Variants in WDR64 observed in about 807,000 individuals in gnomAD.
The protein encoded by WDR64 is WD repeat domain 64.
WDR64 carries 112 observed loss-of-function variants against 139.3 expected under a neutral mutation model. The observed-to-expected ratio is 0.80, with a 90% confidence interval of 0.69 to 0.94. WDR64 has a LOEUF of 0.94. WDR64 is among the 40% of genes least tolerant of loss of function. WDR64 has a pLI of 0.00. For missense variants in WDR64, 1,206 were observed against 1,293.1 expected, an observed-to-expected ratio of 0.93 and a Z score of 1.03; for synonymous variants, 444 against 437.7, an observed-to-expected ratio of 1.01 and a Z score of -0.18.
intron 9 of WDR64, among the ~76,000 whole-genome samples, chr1:241,719,013 G>A (rs1170645053): frequency 6.6e-6 from 1 of 152,122 alleles, no homozygotes; most frequent in Non-Finnish European, 1.5e-5. Context: ...AAATTTGGGA[G>A]GGAATGAATT....
Position 241,772,835 on chromosome 1 carries a change from CA to C in WDR64, c.2340del (p.Lys780AsnfsTer35), listed in dbSNP as rs746071996. 1.3e-5 allele frequency: 20 copies of C among 1,551,974 alleles called. 1 individual carries two copies. The South Asian group carries it at 2.3e-4, about 18-fold the overall frequency. On this transcript the variant is annotated frameshift_variant, in exon 20 of 28. Transcript: ENST00000437684. LOFTEE classifies it high-confidence loss of function. ...VMVGKQQPMD[K>X]KHPGIANLPE... ...TGGTGGGAAAGCAACAGCCAATGGA[CA>C]AAAAACACCCTGGAATTGCCAATTT...
At chr1:241,674,044 C>T (rs958718889) in intron 3 of WDR64, among the ~76,000 whole-genome samples, 3 of 151,848 alleles carry the variant, frequency 2.0e-5, no homozygotes, top group Non-Finnish European at 2.9e-5. Flanking sequence ...TGCACATGCA[C>T]GTGTGTGTGT....
intron 14 of WDR64, among the ~76,000 whole-genome samples, chr1:241,755,318 C>G (rs532666787): frequency 6.6e-6 from 1 of 152,200 alleles, no homozygotes; most frequent in Non-Finnish European, 1.5e-5. Context: ...CTCTAACGAC[C>G]AGTGATGATG....
Position 241,770,679 on chromosome 1 carries a change from C to T in WDR64, c.2242C>T (p.Gln748Ter). Residue 748 changes from glutamine to a stop codon, truncating the protein, a stop_gained, in exon 18 of 28, where the codon CAG becomes TAG. Coordinates refer to ENST00000437684, the MANE Select transcript of WDR64 (RefSeq NM_001367482.1). LOFTEE classifies it high-confidence loss of function. Reference protein sequence around the residue: ...SSQCESSKGPQSSKGSKQSIH... With the variant: ...SSQCESSKGP ...CCAGTGTGAATCCAGCAAAGGTCCACAGAGCAGTAAGGTAAGCAAGACACA... is the reference window on the plus strand; with the variant it reads ...CCAGTGTGAATCCAGCAAAGGTCCATAGAGCAGTAAGGTAAGCAAGACACA... 6.4e-7 allele frequency: 1 copy of T among 1,551,580 alleles called. No individual in the cohort carries two copies. Among genetic ancestry groups the T allele is most frequent in the Non-Finnish European group, 8.7e-7 (1 of 1,146,922 alleles).
At chr1:241,760,493 A>G (rs1478397821) in intron 15 of WDR64, among the ~76,000 whole-genome samples, 1 of 151,218 alleles carries the variant, frequency 6.6e-6, no homozygotes, top group Non-Finnish European at 1.5e-5. Context: ...AAGAAGCTGG[A>G]AAAAATATGT....
chr1:241,724,899 G>A (rs1012225208), intron 10 of WDR64, among the ~76,000 whole-genome samples: 9 of 151,936 alleles, frequency 5.9e-5, no homozygotes, highest in Non-Finnish European at 1.2e-4. Flanking sequence ...TTTTACACAC[G>A]TCAGGGAAAA....
chr1:241,769,269 C>A, intron 16 of WDR64, 135 bp from the exon 17 acceptor site: 1 of 686,116 alleles, frequency 1.5e-6, no homozygotes. Flanking sequence ...ACTCTACTTC[C>A]TTGCATTTTC....
intron 2 of WDR64, among the ~76,000 whole-genome samples, chr1:241,668,029 T>C (rs945347032): frequency 2.0e-5 from 3 of 152,124 alleles, no homozygotes; most frequent in African/African-American, 4.8e-5. Flanking sequence ...GTGCAGCACT[T>C]GGAGAAGGAA....
Position 241,794,502 on chromosome 1 carries a change from C to CTTTTTTTTTTTTTTTTTTT in WDR64, c.2998-704_2998-703insTTTTTTTTTTTTTTTTTTT, listed in dbSNP as rs1659299229. 1.9e-5 allele frequency among the ~76,000 whole-genome samples: 2 copies of CTTTTTTTTTTTTTTTTTTT among 105,024 alleles called. 1 individual carries two copies. The allele number at this position is 105,024 out of a possible 152,430, so 68.9% of individuals were successfully genotyped here. On this transcript the variant is annotated intron_variant, in intron 25 of 27. Transcript: ENST00000437684. ...AATGCCCCACATATTTTAAGCTTTA[C>CTTTTTTTTTTTTTTTTTTT]TGTTTTTTTTTTTTTTTTTTTTTTG...
intron 13 of WDR64, among the ~76,000 whole-genome samples, chr1:241,747,572 G>A (rs1019502995): frequency 6.6e-6 from 1 of 152,152 alleles, no homozygotes; most frequent in African/African-American, 2.4e-5. Flanking sequence ...CAAATGTCGT[G>A]TATCAGATTA....
chr1:241,690,194 T>C (rs1667160904), intron 8 of WDR64, among the ~76,000 whole-genome samples: 1 of 152,018 alleles, frequency 6.6e-6, no homozygotes, highest in Non-Finnish European at 1.5e-5. Context: ...AAAAACTGGC[T>C]GGGCGCAGTG....
intron 3 of WDR64, among the ~76,000 whole-genome samples, chr1:241,671,757 C>T (rs1171858033): frequency 6.6e-6 from 1 of 152,190 alleles, no homozygotes; most frequent in African/African-American, 2.4e-5. Flanking sequence ...GGTTTCTTCT[C>T]CTTCTTCCCT....
intron 6 of WDR64, among the ~76,000 whole-genome samples, chr1:241,681,562 C>T (rs926368470): frequency 5.9e-5 from 9 of 152,196 alleles, no homozygotes; most frequent in South Asian, 2.1e-4. Flanking sequence ...TTTGCAATTG[C>T]GAATTGTGCT....
Position 241,713,954 on chromosome 1 carries a change from A to G in WDR64, c.1054+2073A>G, listed in dbSNP as rs575182074. 2.6e-5 allele frequency among the ~76,000 whole-genome samples: 4 copies of G among 152,362 alleles called. No homozygotes were observed. In the East Asian group the frequency reaches 7.7e-4, roughly 29 times the overall value. The stretch of plus-strand genomic sequence containing the variant: ...CAATTGTGTTGATAGTTGTACAGAA[A>G]TTAGGAAGTGGGTGCTTACCTGGGG... On this transcript the variant is annotated intron_variant, in intron 9 of 27. Transcript: ENST00000437684.
At position 241,802,171 on chromosome 1, in the gene WDR64, TA is replaced by T. The variant is rs934151264; in HGVS notation, c.*959del. The T allele has an allele frequency of 5.8e-5, 23 of 398,114 alleles. No individual in the cohort carries two copies. Among genetic ancestry groups the T allele is most frequent in the African/African-American group, 4.5e-4 (22 of 48,694 alleles). The allele number at this position is 398,114 out of a possible 1,614,324, so 24.7% of individuals were successfully genotyped here. On this transcript the variant is annotated 3_prime_UTR_variant, in exon 28 of 28. Transcript: ENST00000437684. ...CTAGTTTCCACAACAGAAGAATGAC[TA>T]AACAAACTATGGTAGGGTAGGACAA...
chr1:241,668,964 C>T (rs1330724984), intron 2 of WDR64, among the ~76,000 whole-genome samples: 1 of 151,734 alleles, frequency 6.6e-6, no homozygotes, highest in East Asian at 1.9e-4. Flanking sequence ...TCTGGATTAA[C>T]ATATCATTTA....
intron 7 of WDR64, 70 bp downstream of exon 7, chr1:241,683,771 C>A: frequency 8.3e-6 from 10 of 1,204,232 alleles, no homozygotes; most frequent in South Asian, 6.2e-5. Flanking sequence ...CTTTATGGTA[C>A]AAAGTGAAAA....
intron 8 of WDR64, among the ~76,000 whole-genome samples, chr1:241,701,278 G>GCGCA (rs377698677): frequency 2.6e-5 from 4 of 151,000 alleles, no homozygotes; most frequent in African/African-American, 7.4e-5. Context: ...GCACATGCGC[G>GCGCA]CACACACACA....
intron 24 of WDR64, among the ~76,000 whole-genome samples, chr1:241,790,377 A>G (rs1469265485): frequency 1.3e-5 from 2 of 151,946 alleles, no homozygotes; most frequent in South Asian, 2.1e-4. Flanking sequence ...AATAAATGGA[A>G]TGTTCTGGTT....
Sources: gnomAD v4.1 joint callset for allele counts (sites outside exome capture counted in the v4.1 genomes callset) on GRCh38, gnomAD v4.1.1 for gene constraint, MANE v1.5 for transcripts, NCBI Gene and HGNC (gene_info 2026-07-23, HGNC 2026-07-21) for gene names.